Variants in AASDH observed in about 807,000 individuals in gnomAD.
The protein encoded by AASDH is beta-alanine-activating enzyme.
A neutral mutation model predicts 102.3 loss-of-function variants in AASDH; 81 were observed. The observed-to-expected ratio is 0.79, with a 90% CI of 0.66 to 0.95. AASDH has a LOEUF of 0.95. Ranked by LOEUF, AASDH falls within the 40% of genes least tolerant of loss-of-function variation. AASDH has a pLI of 0.00. For synonymous variants in AASDH, 398 were observed against 454.0 expected (o/e 0.88, Z 1.57); for missense variants, 1,203 against 1,266.2 (o/e 0.95, Z 0.76).
rs1007563799 is a variant in AASDH, at chr4:56,338,857, C to T, written c.2908-66G>A. ...ATTGCTCCAATTCTCCCTTAAAGCT[C>T]TATGAGGTTCTTAATGCAAATCTAA... On this transcript the variant is annotated intron_variant, in intron 14 of 14. Transcript: ENST00000205214. 8.7e-5 allele frequency: 126 copies of T among 1,443,534 alleles called. No individual in the cohort carries two copies. In the African/African-American group the frequency reaches 1.6e-3, roughly 18 times the overall value. 89.4% of individuals were successfully genotyped at this position (1,443,534 alleles called of 1,614,324 possible).
At chr4:56,386,610 G>A (rs1753579913) in intron 1 of AASDH, among the ~76,000 whole-genome samples, 1 of 150,706 alleles carries the variant, frequency 6.6e-6, no homozygotes, top group Non-Finnish European at 1.5e-5. Flanking sequence ...TGGCTAACAA[G>A]GTGAAACCCC....
At chr4:56,386,504 G>GA in intron 1 of AASDH, among the ~76,000 whole-genome samples, 1 of 152,008 alleles carries the variant, frequency 6.6e-6, no homozygotes, top group Admixed American at 6.5e-5. Context: ...CCTTAAAAAG[G>GA]AAAAAAAGGC....
intron 11 of AASDH, chr4:56,349,024 T>A: frequency 1.9e-6 from 1 of 522,948 alleles, no homozygotes; most frequent in Non-Finnish European, 3.3e-6. Flanking sequence ...AGTGAAATTC[T>A]AAGAGGTTCA....
At chr4:56,354,313 T>A (rs1749343366) in intron 7 of AASDH, 102 bp from the exon 8 acceptor site, 1 of 1,013,944 alleles carries the variant, frequency 9.9e-7, no homozygotes, top group Non-Finnish European at 1.3e-6. Flanking sequence ...ACTTCAAAAT[T>A]TAAATATTAA....
intron 14 of AASDH, among the ~76,000 whole-genome samples, chr4:56,339,162 A>AT (rs5858375): frequency 0.17 from 24,914 of 150,196 alleles, 2,370 homozygotes; most frequent in Admixed American, 0.31. Context: ...TATTATTATT[A>AT]TTTTTTTTTG....
chr4:56,382,251 G>A, intron 3 of AASDH: 1 of 391,696 alleles, frequency 2.6e-6, no homozygotes, highest in Non-Finnish European at 4.5e-6. Context: ...TGACTGGGAG[G>A]TGCTACTGAG....
Position 56,338,401 on chromosome 4 carries a change from A to C in AASDH, c.*1T>G. On this transcript the variant is annotated 3_prime_UTR_variant, in exon 15 of 15. Transcript: ENST00000205214. ...GTTATACAAATAAGGACTGTATTTG[A>C]TTATTTTTGATTGCCACCCAATAAA... is the stretch of plus-strand genomic sequence containing the variant. The C allele has an allele frequency of 6.2e-7, 1 of 1,612,476 alleles. No individual in the cohort carries two copies. Among genetic ancestry groups the C allele is most frequent in the Admixed American group, 1.7e-5 (1 of 59,858 alleles).
At chr4:56,377,237 T>C (rs1752466722) in intron 4 of AASDH, among the ~76,000 whole-genome samples, 1 of 152,194 alleles carries the variant, frequency 6.6e-6, no homozygotes, top group African/African-American at 2.4e-5. Context: ...AGGTTTCTAT[T>C]TCTGTTTCCT....
intron 14 of AASDH, among the ~76,000 whole-genome samples, chr4:56,339,266 G>A (rs1180188675): frequency 4.0e-5 from 6 of 151,650 alleles, no homozygotes; most frequent in East Asian, 2.0e-4. Context: ...CGCTTCTCCC[G>A]CCTCAGCCTC....
rs780304784 is a variant in AASDH, at chr4:56,378,424, G to C, written c.392C>G (p.Thr131Arg). Residue 131 changes from threonine to arginine, a missense_variant, in exon 4 of 15, where the codon ACA becomes AGA. By Grantham distance (71) the Thr-to-Arg change is moderately conservative. Coordinates refer to ENST00000205214, the MANE Select transcript of AASDH (RefSeq NM_181806.4). ...TAGGTCATTATGTTCCACTGTAAAT[G>C]TATCATAGTTCAATAATGTTTCATG... is the stretch of plus-strand genomic sequence containing the variant. Reference protein sequence around the residue: ...SFHETLLNYDTFTVEHNDLVL... With the variant: ...SFHETLLNYDRFTVEHNDLVL... 6.2e-7 allele frequency: 1 copy of C among 1,609,190 alleles called. No individual in the cohort carries two copies. Among genetic ancestry groups the C allele is most frequent in the Non-Finnish European group, 8.5e-7 (1 of 1,178,670 alleles).
chr4:56,384,695 A>C (rs1753352838), intron 1 of AASDH, among the ~76,000 whole-genome samples: 1 of 150,638 alleles, frequency 6.6e-6, no homozygotes, highest in African/African-American at 2.4e-5. Flanking sequence ...AAAGGACCCC[A>C]CACTTAATTT....
intron 11 of AASDH, among the ~76,000 whole-genome samples, chr4:56,346,014 C>G (rs1011364653): frequency 6.6e-6 from 1 of 152,234 alleles, no homozygotes; most frequent in Non-Finnish European, 1.5e-5. Context: ...CTCTTAACAA[C>G]TAAACTGCTT....
chr4:56,381,045 A>G (rs1405294669), intron 3 of AASDH, among the ~76,000 whole-genome samples: 1 of 151,964 alleles, frequency 6.6e-6, no homozygotes, highest in Non-Finnish European at 1.5e-5. Flanking sequence ...GCTGCGCCCA[A>G]CTCCTTTTTG....
chr4:56,377,074 A>AT (rs199886929), intron 4 of AASDH, among the ~76,000 whole-genome samples: 53,133 of 138,920 alleles, frequency 0.38, 10,018 homozygotes, highest in Non-Finnish European at 0.44. Context: ...CTCAAAAAAA[A>AT]AAAAAAATAA....
chr4:56,355,145 GTC>G, intron 6 of AASDH, 35 bp downstream of exon 6: 1 of 1,586,250 alleles, frequency 6.3e-7, no homozygotes, highest in Non-Finnish European at 8.6e-7. Context: ...GAAATATACA[GTC>G]TCTCTTCTCT....
intron 10 of AASDH, among the ~76,000 whole-genome samples, chr4:56,350,824 A>G (rs1748912514): frequency 6.6e-6 from 1 of 152,206 alleles, no homozygotes; most frequent in Non-Finnish European, 1.5e-5. Flanking sequence ...CTACACAATT[A>G]CATCCTCTTT....
At chr4:56,360,618 GT>G (rs908402510) in intron 5 of AASDH, among the ~76,000 whole-genome samples, 151 of 151,182 alleles carry the variant, frequency 1.0e-3, no homozygotes, top group African/African-American at 3.3e-3. Flanking sequence ...TGAAATGATT[GT>G]TTTTTTTTCC....
intron 5 of AASDH, among the ~76,000 whole-genome samples, chr4:56,370,567 A>C (rs78254405): frequency 6.6e-6 from 1 of 152,134 alleles, no homozygotes; most frequent in East Asian, 1.9e-4. Flanking sequence ...TGAGGACCCA[A>C]TGAAAAGACC....
intron 5 of AASDH, among the ~76,000 whole-genome samples, chr4:56,360,018 A>G (rs770121738): frequency 6.6e-5 from 10 of 152,242 alleles, no homozygotes; most frequent in Non-Finnish European, 1.3e-4. Flanking sequence ...TTTAATTCAG[A>G]AAAATGATTT....
Sources: gnomAD v4.1 joint callset for allele counts (sites outside exome capture counted in the v4.1 genomes callset) on GRCh38, gnomAD v4.1.1 for gene constraint, MANE v1.5 for transcripts, NCBI Gene and HGNC (gene_info 2026-07-23, HGNC 2026-07-21) for gene names.